TRPM7: variants seen among roughly 807,000 people sequenced by gnomAD.
TRPM7 encodes the protein transient receptor potential cation channel subfamily M member 7, also known as LTRPC ion channel family member 7.
TRPM7 carries 134 observed loss-of-function variants against 229.7 expected under a neutral mutation model. The observed-to-expected ratio is 0.58, with a 90% CI of 0.51 to 0.67. The LOEUF (loss-of-function observed/expected upper bound fraction) is 0.67. TRPM7 is among the 30% of genes least tolerant of loss of function. The pLI is 0.00. For missense variants in TRPM7, 1,901 were observed against 2,210.0 expected (o/e 0.86, Z 2.80); for synonymous variants, 699 against 715.2 (o/e 0.98, Z 0.36).
At chr15:50,678,755 T>A (rs1267291245) in intron 1 of TRPM7, among the ~76,000 whole-genome samples, 1 of 152,030 alleles carries the variant, frequency 6.6e-6, no homozygotes, top group Non-Finnish European at 1.5e-5. Flanking sequence ...TAAGGCCAGG[T>A]GCAGTGGCTT....
Position 50,578,649 on chromosome 15 carries a change from T to A in TRPM7, c.4608A>T (p.Gly1536=). 1 of 1,609,946 alleles carries A rather than the reference T, an allele frequency of 6.2e-7. No individual in the cohort carries two copies. Among genetic ancestry groups the A allele is most frequent in the South Asian group, 1.1e-5 (1 of 90,398 alleles). ...ACCACACAGACTCACCATTTAATGTTCCTTCTTCAGATGGCCTAAAGAAAC... is the reference window on the plus strand; with the variant it reads ...ACCACACAGACTCACCATTTAATGTACCTTCTTCAGATGGCCTAAAGAAAC... The part of the protein sequence containing the change: ...PSNREMPSEE[G]TLNGLTSPFK... Residue 1536 remains glycine, a synonymous_variant, in exon 31 of 39, where the codon GGA becomes GGT. Transcript: ENST00000646667.
chr15:50,685,758 T>C (rs911399677), intron 1 of TRPM7, among the ~76,000 whole-genome samples: 3 of 152,254 alleles, frequency 2.0e-5, no homozygotes, highest in African/African-American at 7.2e-5. Flanking sequence ...AAAAGCTCTA[T>C]CGGAAGCTGC....
chr15:50,562,111 G>A (rs1461253103), intron 38 of TRPM7, among the ~76,000 whole-genome samples: 1 of 151,752 alleles, frequency 6.6e-6, no homozygotes, highest in African/African-American at 2.4e-5. Flanking sequence ...GGTCAGGCTG[G>A]TCTTGAACTC....
chr15:50,607,937 T>C (rs1412447764), intron 19 of TRPM7, among the ~76,000 whole-genome samples: 3 of 148,096 alleles, frequency 2.0e-5, no homozygotes, highest in African/African-American at 7.5e-5. Context: ...TGCCTGCAAT[T>C]CCAGCCACTC....
chr15:50,625,100 A>T (rs2060518556), intron 11 of TRPM7, among the ~76,000 whole-genome samples: 1 of 152,230 alleles, frequency 6.6e-6, no homozygotes, highest in South Asian at 2.1e-4. Flanking sequence ...GTAAATTAGT[A>T]GGGACATGAA....
chr15:50,569,683 T>C (rs574964948), intron 38 of TRPM7, among the ~76,000 whole-genome samples: 2 of 152,276 alleles, frequency 1.3e-5, no homozygotes, highest in East Asian at 3.9e-4. Flanking sequence ...ACACATAATA[T>C]ATTAAATTAA....
chr15:50,666,802 CA>C (rs1411469298), intron 1 of TRPM7, among the ~76,000 whole-genome samples: 1 of 149,304 alleles, frequency 6.7e-6, no homozygotes, highest in South Asian at 2.1e-4. Flanking sequence ...AAACTGTCTC[CA>C]AAAAAAAAGA....
chr15:50,650,099 A>G (rs1378547116), intron 3 of TRPM7, among the ~76,000 whole-genome samples: 1 of 148,100 alleles, frequency 6.8e-6, no homozygotes, highest in African/African-American at 2.5e-5. Context: ...AGGCTGAGGC[A>G]GGAGAATCAC....
At chr15:50,576,013 C>T in intron 31 of TRPM7, 94 bp from the exon 32 acceptor site, 1 of 1,309,236 alleles carries the variant, frequency 7.6e-7, no homozygotes, top group South Asian at 1.3e-5. Context: ...TTTTGAATTT[C>T]CATAGTGTAA....
chr15:50,592,583 C>T lies in TRPM7; in HGVS notation c.3652G>A (p.Val1218Ile). The T allele has an allele frequency of 6.2e-7, 1 of 1,605,352 alleles. No individual in the cohort carries two copies. Among genetic ancestry groups the T allele is most frequent in the Non-Finnish European group, 8.5e-7 (1 of 1,178,874 alleles). The stretch of plus-strand genomic sequence containing the variant: ...TGTAATGATCTTTTTATGTAGTTGA[C>T]ACGATCTCCAACTTCTTTAATCTGA... The part of the protein sequence containing the change: ...CIQIKEVGDR[V>I]NYIKRSLQSL... Residue 1218 changes from valine to isoleucine, a missense_variant, in exon 26 of 39, where the codon GTC becomes ATC. Physicochemically the swap from Val to Ile is conservative, Grantham distance 29 (BLOSUM62 3). Around this residue, in one of 8 missense-constraint regions of TRPM7, gnomAD observed 533 missense variants for 497.1 expected, o/e 1.07. Coordinates refer to ENST00000646667, the MANE Select transcript of TRPM7 (RefSeq NM_017672.6).
intron 31 of TRPM7, among the ~76,000 whole-genome samples, chr15:50,576,402 T>A (rs1396584876): frequency 6.6e-6 from 1 of 152,242 alleles, no homozygotes; most frequent in African/African-American, 2.4e-5. Context: ...AAGTCAAATC[T>A]GCTATGTGCT....
chr15:50,656,305 G>GC (rs1555430857), intron 3 of TRPM7, among the ~76,000 whole-genome samples: 1 of 149,852 alleles, frequency 6.7e-6, no homozygotes, highest in Non-Finnish European at 1.5e-5. Context: ...CTTTTTGTTT[G>GC]TTTTTTTTTC....
chr15:50,621,051 C>G (rs994099248), intron 12 of TRPM7, among the ~76,000 whole-genome samples: 80 of 143,800 alleles, frequency 5.6e-4, no homozygotes, highest in East Asian at 2.1e-4. Context: ...CCCAGCTACT[C>G]GGGAGGCTGA....
chr15:50,594,586 A>C lies in TRPM7; in HGVS notation c.3318T>G (p.Ile1106Met), dbSNP rs1299052298. The C allele has an allele frequency of 6.2e-7, 1 of 1,604,758 alleles. No homozygotes were observed. Among genetic ancestry groups the C allele is most frequent in the East Asian group, 2.2e-5 (1 of 44,678 alleles). ...FNNVYLQVKAISNIVWKYQRY... is the reference protein window; with the variant it reads ...FNNVYLQVKAMSNIVWKYQRY... ...GCTGGTACTTCCATACAATATTGGAAATTGCCTTCACTTGTAAATACACAT... is the reference window on the plus strand; with the variant it reads ...GCTGGTACTTCCATACAATATTGGACATTGCCTTCACTTGTAAATACACAT... The change falls in exon 24 of 39, where the codon ATT becomes ATG. Residue 1106 changes from isoleucine to methionine, a missense_variant. Physicochemically the swap from Ile to Met is conservative, Grantham distance 10. Around this residue, in one of 8 missense-constraint regions of TRPM7, gnomAD observed 89 missense variants for 178.2 expected, o/e 0.50. Coordinates refer to ENST00000646667, the MANE Select transcript of TRPM7 (RefSeq NM_017672.6).
intron 20 of TRPM7, among the ~76,000 whole-genome samples, 164 bp downstream of exon 20, chr15:50,607,036 T>C (rs2059934487): frequency 6.6e-6 from 1 of 151,242 alleles, no homozygotes; most frequent in Non-Finnish European, 1.5e-5. Context: ...TAATCTCTAT[T>C]CTTTTGCCAT....
At chr15:50,619,637 TTTA>T (rs936484199) in intron 13 of TRPM7, 105 bp downstream of exon 13, 1 of 964,962 alleles carries the variant, frequency 1.0e-6, no homozygotes, top group African/African-American at 1.7e-5. Context: ...AAACTGTAAT[TTTA>T]TTGGTATTTC....
At chr15:50,607,356 T>C in intron 19 of TRPM7, 28 bp from the exon 20 acceptor site, 2 of 1,486,880 alleles carry the variant, frequency 1.3e-6, no homozygotes, top group Non-Finnish European at 1.8e-6. Context: ...GTTACATAAA[T>C]AACATTGGTT....
chr15:50,616,141 T>A (rs577583), intron 13 of TRPM7, among the ~76,000 whole-genome samples: 89,622 of 151,888 alleles, frequency 0.59, 26,747 homozygotes, highest in African/African-American at 0.67. Context: ...AAGAAGAAAT[T>A]TTTAAATTAG....
intron 19 of TRPM7, 49 bp downstream of exon 19, chr15:50,609,532 C>T: frequency 6.5e-7 from 1 of 1,540,172 alleles, no homozygotes; most frequent in African/African-American, 1.4e-5. Context: ...AATGGTCCCC[C>T]AAAGCCTAAC....
Sources: gnomAD v4.1 joint callset for allele counts (sites outside exome capture counted in the v4.1 genomes callset) on GRCh38, gnomAD v4.1.1 for gene constraint, gnomAD v4.1.1 regional missense constraint, MANE v1.5 for transcripts, NCBI Gene and HGNC (gene_info 2026-07-23, HGNC 2026-07-21) for gene names.